Variants in PRDM16 observed in about 807,000 individuals in gnomAD.
PRDM16 encodes the protein PR/SET domain 16, also known as histone-lysine N-methyltransferase PRDM16.
Under a neutral mutation model 110.6 loss-of-function variants are expected in PRDM16, and 23 were observed. The observed-to-expected ratio is 0.21, with a 90% CI of 0.15 to 0.29. The LOEUF is 0.29. Ranked by LOEUF, PRDM16 falls within the 10% of genes least tolerant of loss-of-function variation. The pLI, the probability that PRDM16 is intolerant of heterozygous loss-of-function variation, is 1.00. For synonymous variants in PRDM16, 799 were observed against 781.8 expected (o/e 1.02, Z -0.37); for missense variants, 1,615 against 1,794.3 (o/e 0.90, Z 1.81).
intron 1 of PRDM16, among the ~76,000 whole-genome samples, chr1:3,110,429 C>A (rs1183060289): frequency 1.4e-5 from 2 of 139,770 alleles, no homozygotes; most frequent in African/African-American, 5.6e-5. Context: ...TCCCCCATGT[C>A]CTGGGTGTGC....
chr1:3,196,068 A>G (rs1307428502), intron 2 of PRDM16, among the ~76,000 whole-genome samples: 2 of 152,240 alleles, frequency 1.3e-5, no homozygotes, highest in East Asian at 3.8e-4. Flanking sequence ...GCAGGGGCCC[A>G]GAGGCAGGTG....
At chr1:3,336,027 C>G (rs1312460433) in intron 3 of PRDM16, among the ~76,000 whole-genome samples, 1 of 152,238 alleles carries the variant, frequency 6.6e-6, no homozygotes, top group Non-Finnish European at 1.5e-5. Flanking sequence ...GACGTCTCGA[C>G]AGCCTGCCCA....
At chr1:3,383,908 T>C (rs916203655) in intron 3 of PRDM16, among the ~76,000 whole-genome samples, 1 of 148,388 alleles carries the variant, frequency 6.7e-6, no homozygotes, top group Admixed American at 6.7e-5. Context: ...AGGACACACC[T>C]GCAGAAGGAC....
chr1:3,415,669 G>T (rs1638227928), intron 10 of PRDM16, among the ~76,000 whole-genome samples: 1 of 152,216 alleles, frequency 6.6e-6, no homozygotes, highest in Non-Finnish European at 1.5e-5. Context: ...GGGCGGGAGA[G>T]GCCCACCCAG....
At chr1:3,248,243 A>C (rs1295303608) in intron 3 of PRDM16, among the ~76,000 whole-genome samples, 1 of 152,190 alleles carries the variant, frequency 6.6e-6, no homozygotes, top group East Asian at 1.9e-4. Context: ...CTATCAGCTG[A>C]AAGAATTTTG....
chr1:3,408,146 G>A (rs1319051005), intron 8 of PRDM16, among the ~76,000 whole-genome samples: 2 of 152,178 alleles, frequency 1.3e-5, no homozygotes, highest in Non-Finnish European at 2.9e-5. Flanking sequence ...TTGCAGGAGA[G>A]GTCACAGCTG....
At position 3,339,277 on chromosome 1, in the gene PRDM16, G is replaced by C. The variant is rs1427139261; in HGVS notation, c.439-45875G>C. 6.6e-6 allele frequency among the ~76,000 whole-genome samples: 1 copy of C among 152,052 alleles called. No individual in the cohort carries two copies. Among genetic ancestry groups the C allele is most frequent in the African/African-American group, 2.4e-5 (1 of 41,416 alleles). ...ACCCACCCACCACAGTACCATCAAA[G>C]ACAGACGTCCTGCTTGTCTCGGTAT... is the stretch of plus-strand genomic sequence containing the variant. On this transcript the variant is annotated intron_variant, in intron 3 of 16. Coordinates refer to ENST00000270722, the MANE Select transcript of PRDM16 (RefSeq NM_022114.4). This position sits in a 1 kb window ranked among gnomAD's most constrained non-coding sequence, Gnocchi z 5.0.
intron 3 of PRDM16, among the ~76,000 whole-genome samples, chr1:3,311,704 G>C (rs551889772): frequency 2.6e-5 from 4 of 152,316 alleles, no homozygotes; most frequent in Admixed American, 2.0e-4. Context: ...GACCCCGAAG[G>C]CACCCCCAAA....
chr1:3,170,082 C>T (rs1569749056), intron 1 of PRDM16, among the ~76,000 whole-genome samples: 1 of 152,050 alleles, frequency 6.6e-6, no homozygotes, highest in Non-Finnish European at 1.5e-5. Flanking sequence ...CTTTTTTCCT[C>T]GCCGCTGGCC....
At chr1:3,334,109 C>A (rs554129110) in intron 3 of PRDM16, among the ~76,000 whole-genome samples, 168 of 152,354 alleles carry the variant, frequency 1.1e-3, no homozygotes, top group African/African-American at 3.9e-3. Context: ...CAGGGCACAG[C>A]CTGTGATTCC....
chr1:3,252,078 G>A (rs1264916824), intron 3 of PRDM16, among the ~76,000 whole-genome samples: 1 of 152,198 alleles, frequency 6.6e-6, no homozygotes, highest in Non-Finnish European at 1.5e-5. Flanking sequence ...GTAAAAGAGG[G>A]CAACTCTCCT....
chr1:3,117,587 T>C (rs1642990184), intron 1 of PRDM16, among the ~76,000 whole-genome samples: 1 of 151,878 alleles, frequency 6.6e-6, no homozygotes, highest in Admixed American at 6.6e-5. Flanking sequence ...TTTGCCAAGT[T>C]GTCCAGAGCA....
At chr1:3,079,843 G>A (rs1641980681) in intron 1 of PRDM16, among the ~76,000 whole-genome samples, 1 of 152,176 alleles carries the variant, frequency 6.6e-6, no homozygotes. Flanking sequence ...GGCCTGAGAG[G>A]GCCCGCCAAG....
chr1:3,119,974 C>T (rs1481136019), intron 1 of PRDM16, among the ~76,000 whole-genome samples: 8 of 152,190 alleles, frequency 5.3e-5, no homozygotes, highest in Non-Finnish European at 4.4e-5. Flanking sequence ...GAGGAAGCAG[C>T]ACCCAGGCTG....
At chr1:3,173,208 G>A (rs1644045561) in intron 1 of PRDM16, among the ~76,000 whole-genome samples, 1 of 152,176 alleles carries the variant, frequency 6.6e-6, no homozygotes, top group African/African-American at 2.4e-5. Flanking sequence ...CGGGGCTCAG[G>A]GAAGTGGTAT....
chr1:3,314,951 G>A (rs146768987), intron 3 of PRDM16, among the ~76,000 whole-genome samples: 7 of 152,218 alleles, frequency 4.6e-5, no homozygotes, highest in Admixed American at 2.0e-4. Context: ...CACAGGAAGA[G>A]AAATGTGCGG....
rs191063961 is a variant in PRDM16, at chr1:3,360,334, T to C, written c.439-24818T>C. Among the ~76,000 whole-genome samples the C allele has an allele frequency of 1.9e-4, 29 of 152,268 alleles. 3 individuals carry two copies. The highest frequency in any genetic ancestry group is 1.1e-3 in the Admixed American group (17 of 15,296). On this transcript the variant is annotated intron_variant, in intron 3 of 16. Transcript: ENST00000270722. ...TCTTCTAGGCTCTGCCTTGCCAGGA[T>C]GGAGCACCCTCATGCTCTGTGATGG...
chr1:3,118,553 C>G (rs1054265753), intron 1 of PRDM16, among the ~76,000 whole-genome samples: 31 of 152,348 alleles, frequency 2.0e-4, no homozygotes, highest in African/African-American at 7.0e-4. Flanking sequence ...GCCCAGGTCT[C>G]CATGAAGATG....
chr1:3,241,507 C>CT (rs1010436138), intron 2 of PRDM16, among the ~76,000 whole-genome samples: 6 of 152,372 alleles, frequency 3.9e-5, no homozygotes, highest in African/African-American at 1.4e-4. Context: ...CACGGTATGA[C>CT]TGGGCCCTCC....
Sources: allele counts gnomAD v4.1 joint callset (sites outside exome capture counted in the v4.1 genomes callset), GRCh38; gene constraint gnomAD v4.1.1; non-coding constraint Gnocchi (gnomAD v3.1); transcripts MANE v1.5; gene names NCBI Gene and HGNC (gene_info 2026-07-23, HGNC 2026-07-21).